FRMD3: variants seen among roughly 807,000 people sequenced by gnomAD.
FRMD3 encodes the protein FERM domain containing 3, also known as FERM domain-containing protein 3.
In FRMD3, 33 loss-of-function variants were observed where a neutral mutation model predicts 70.2. That is an observed-to-expected ratio of 0.47 (90% CI 0.36 to 0.63). The LOEUF is 0.63. FRMD3 is among the 20% of genes least tolerant of loss of function. The probability of loss-of-function intolerance (pLI) is 0.00; values close to 1 mark genes in which losing one functional copy is unlikely to be tolerated. For missense variants in FRMD3, 632 were observed against 711.4 expected (o/e 0.89, Z 1.27); for synonymous variants, 279 against 255.9 (o/e 1.09, Z -0.86).
intron 1 of FRMD3, among the ~76,000 whole-genome samples, chr9:83,494,858 T>TGCGC (rs67136269): frequency 1.3e-5 from 2 of 148,828 alleles, no homozygotes; most frequent in East Asian, 3.9e-4. Flanking sequence ...TGTGTGTGTG[T>TGCGC]GCGCGCGCGC....
rs1182534044 is a variant in FRMD3, at chr9:83,309,613, C to T, written c.849G>A (p.Met283Ile). Reference protein sequence around the residue: ...VIGTQKEKKAMLAFHTSTPAA... With the variant: ...VIGTQKEKKAILAFHTSTPAA... ...CTGGTGTTGAAGTATGGAATGCCAA[C>T]ATGGCTTTTTTCTAATTAAAAAATA... Residue 283 changes from methionine (M) to isoleucine (I), a missense_variant, in exon 10 of 14, where the codon ATG becomes ATA. Coordinates refer to ENST00000304195, the MANE Select transcript of FRMD3 (RefSeq NM_174938.6). 6.3e-7 allele frequency: 1 copy of T among 1,581,462 alleles called. No homozygotes were observed. The highest frequency in any genetic ancestry group is 1.2e-5 in the South Asian group (1 of 83,460).
chr9:83,475,370 G>A (rs1039520744), intron 1 of FRMD3, among the ~76,000 whole-genome samples: 4 of 151,962 alleles, frequency 2.6e-5, no homozygotes, highest in African/African-American at 7.3e-5. Context: ...CTATAGATGG[G>A]TTACAGCAAA....
rs972743930 is a variant in FRMD3 at position 83,538,379 on chromosome 9, A to C, written c.-148T>G. 6 of 613,300 alleles carry C rather than the reference A, an allele frequency of 9.8e-6. No homozygotes were observed. The highest frequency in any genetic ancestry group is 3.6e-5 in the East Asian group (1 of 28,106). The allele number at this position is 613,300 out of a possible 1,614,324, so 38.0% of individuals were successfully genotyped here. A position where few individuals can be genotyped will look rare whatever the true frequency, so the allele number is the denominator to read the frequency against. ...CAGCGTCGGGCGCCTGCGGACACAC[A>C]TGCCCAGCGGCCGGGGCGCGGCGGG... is the stretch of plus-strand genomic sequence containing the variant. On this transcript the variant is annotated 5_prime_UTR_variant, in exon 1 of 14. It removes an upstream start codon present in the reference 5' UTR. Coordinates refer to ENST00000304195, the MANE Select transcript of FRMD3 (RefSeq NM_174938.6). This position sits in a 1 kb window ranked among gnomAD's most constrained non-coding sequence, Gnocchi z 4.7.
At chr9:83,431,696 G>C (rs1826982247) in intron 1 of FRMD3, among the ~76,000 whole-genome samples, 1 of 152,100 alleles carries the variant, frequency 6.6e-6, no homozygotes, top group South Asian at 2.1e-4. Context: ...TCTCTGATTT[G>C]TTGACCATGA....
chr9:83,375,962 C>T (rs982772070), intron 2 of FRMD3, among the ~76,000 whole-genome samples: 3 of 152,080 alleles, frequency 2.0e-5, no homozygotes, highest in Non-Finnish European at 2.9e-5. Context: ...GAGTTCGAGA[C>T]CAGCCTGGCC....
intron 13 of FRMD3, among the ~76,000 whole-genome samples, chr9:83,285,962 G>A (rs546137704): frequency 2.6e-4 from 40 of 152,250 alleles, no homozygotes; most frequent in Non-Finnish European, 4.3e-4. Context: ...AAACATTCCC[G>A]TTGCCCAGTG....
At position 83,494,585 on chromosome 9, in the gene FRMD3, T is replaced by C. The variant is rs150376331; in HGVS notation, c.147+43500A>G. Among the ~76,000 whole-genome samples the C allele has an allele frequency of 6.7e-3, 1,023 of 152,312 alleles. 11 individuals carry two copies. The highest frequency in any genetic ancestry group is 0.023 in the African/African-American group (966 of 41,560). ...TTATTTTCTTTACAATAGTGACACA[T>C]GTTCCTTTTAGAATGTTTTAAAATA... is the stretch of plus-strand genomic sequence containing the variant. On this transcript the variant is annotated intron_variant, in intron 1 of 13. Transcript: ENST00000304195.
In FRMD3 at chr9:83,479,253, C is replaced by T. The variant is rs1828471025; in HGVS notation, c.147+58832G>A. Among the ~76,000 whole-genome samples the T allele has an allele frequency of 2.7e-5, 4 of 150,882 alleles. No homozygotes were observed. The South Asian group carries it at 8.4e-4, about 32-fold the overall frequency. ...TCTCTTGAAACCAGGAGTTTAAGAC[C>T]AGCCTGGGCAACAAAGTGAGACTGT... On this transcript the variant is annotated intron_variant, in intron 1 of 13. Coordinates refer to ENST00000304195, the MANE Select transcript of FRMD3 (RefSeq NM_174938.6).
At chr9:83,300,980 C>T (rs765610820) in intron 10 of FRMD3, among the ~76,000 whole-genome samples, 6 of 152,138 alleles carry the variant, frequency 3.9e-5, no homozygotes, top group Non-Finnish European at 8.8e-5. Context: ...GTGTAAACAG[C>T]CAAAGATGAC....
chr9:83,562,187 C>T, the FRMD3 span, among the ~76,000 whole-genome samples: 1 of 152,126 alleles, frequency 6.6e-6, no homozygotes, highest in African/African-American at 2.4e-5. Flanking sequence ...TAGTTAGGTT[C>T]CTTCACCCAG....
chr9:83,339,864 G>A (rs768264654), intron 5 of FRMD3, among the ~76,000 whole-genome samples: 6 of 152,106 alleles, frequency 3.9e-5, no homozygotes, highest in African/African-American at 7.2e-5. Context: ...CCCAGCAGGC[G>A]GCCAACCAGT....
chr9:83,312,523 C>T (rs74419129), intron 7 of FRMD3, among the ~76,000 whole-genome samples: 1 of 152,318 alleles, frequency 6.6e-6, no homozygotes, highest in East Asian at 1.9e-4. Context: ...TCAAGTCAGT[C>T]TCCAAGAAAT....
At chr9:83,288,583 C>T (rs185986491) in intron 13 of FRMD3, among the ~76,000 whole-genome samples, 103 of 152,172 alleles carry the variant, frequency 6.8e-4, no homozygotes, top group South Asian at 2.3e-3. Context: ...TGTGGACTTC[C>T]GAAGAGAGAG....
the FRMD3 span, among the ~76,000 whole-genome samples, chr9:83,543,895 T>C: frequency 6.6e-6 from 1 of 152,116 alleles, no homozygotes; most frequent in African/African-American, 2.4e-5. Context: ...GGCCTGGTAA[T>C]GGAGATGAAG....
chr9:83,388,882 C>T (rs946022668), intron 2 of FRMD3, among the ~76,000 whole-genome samples: 21 of 151,152 alleles, frequency 1.4e-4, no homozygotes, highest in African/African-American at 4.9e-4. Context: ...GTTCATCCCT[C>T]GAAAAGAAAA....
At chr9:83,547,175 T>C in the FRMD3 span, among the ~76,000 whole-genome samples, 2 of 149,576 alleles carry the variant, frequency 1.3e-5, no homozygotes, top group African/African-American at 4.9e-5. Context: ...TCACTTTAAA[T>C]CAACAGTTAA....
In FRMD3 at chr9:83,482,996, G is replaced by A. The variant is rs182786343; in HGVS notation, c.147+55089C>T. ...AGCCACCTCCTTGATGGCAGATGTG[G>A]CAGCACTTTGGGTAATCTGGTTCTG... On this transcript the variant is annotated intron_variant, in intron 1 of 13. Transcript: ENST00000304195. Among the ~76,000 whole-genome samples the A allele has an allele frequency of 1.8e-4, 27 of 152,316 alleles. 1 individual carries two copies. In the East Asian group the frequency reaches 5.0e-3, roughly 28 times the overall value.
intron 1 of FRMD3, among the ~76,000 whole-genome samples, chr9:83,494,042 G>C (rs949485602): frequency 6.6e-6 from 1 of 152,194 alleles, no homozygotes; most frequent in Admixed American, 6.5e-5. Flanking sequence ...CACTATGGAG[G>C]CTGGAAAAAC....
At chr9:83,465,160 CCAA>C (rs1828091895) in intron 1 of FRMD3, among the ~76,000 whole-genome samples, 1 of 152,168 alleles carries the variant, frequency 6.6e-6, no homozygotes, top group African/African-American at 2.4e-5. Flanking sequence ...TTCGATCTCA[CCAA>C]CAATATGTGA....
Sources: allele counts gnomAD v4.1 joint callset (sites outside exome capture counted in the v4.1 genomes callset), GRCh38; gene constraint gnomAD v4.1.1; non-coding constraint Gnocchi (gnomAD v3.1); transcripts MANE v1.5; gene names NCBI Gene and HGNC (gene_info 2026-07-23, HGNC 2026-07-21).